Variants in HPSE2 observed in about 807,000 individuals in gnomAD.
The protein encoded by HPSE2 is inactive heparanase-2.
Under a neutral mutation model 60.5 loss-of-function variants are expected in HPSE2, and 38 were observed. That is an observed-to-expected ratio of 0.63 (90% CI 0.48 to 0.82). The LOEUF is 0.82. Among genes scored for constraint, HPSE2 ranks in the 40% least tolerant of loss-of-function variants. The probability of loss-of-function intolerance (pLI) is 0.00; values close to 1 mark genes in which losing one functional copy is unlikely to be tolerated. For synonymous variants in HPSE2, 295 were observed against 293.2 expected, an observed-to-expected ratio of 1.01 and a Z score of -0.06; for missense variants, 713 against 740.4, an observed-to-expected ratio of 0.96 and a Z score of 0.43.
intron 3 of HPSE2, among the ~76,000 whole-genome samples, chr10:98,869,783 G>C (rs2134823730): frequency 1.3e-5 from 2 of 152,162 alleles, no homozygotes; most frequent in South Asian, 4.2e-4. Context: ...TGTGATCATG[G>C]GCAAGTAATT....
At chr10:98,647,630 G>A (rs1274157661) in intron 6 of HPSE2, among the ~76,000 whole-genome samples, 4 of 152,198 alleles carry the variant, frequency 2.6e-5, no homozygotes, top group Non-Finnish European at 5.9e-5. Context: ...CCGCCTCGAA[G>A]CAAACACTGG....
At chr10:99,003,880 C>T (rs1956832263) in intron 3 of HPSE2, among the ~76,000 whole-genome samples, 1 of 151,962 alleles carries the variant, frequency 6.6e-6, no homozygotes, top group African/African-American at 2.4e-5. Context: ...TGAGGTCATG[C>T]AATTTATCCC....
At chr10:98,730,584 C>T (rs1949202249) in intron 4 of HPSE2, among the ~76,000 whole-genome samples, 1 of 150,616 alleles carries the variant, frequency 6.6e-6, no homozygotes. Flanking sequence ...GACTGACCAC[C>T]GAAAAAAGAG....
chr10:99,224,115 T>A (rs1229266420), intron 2 of HPSE2, among the ~76,000 whole-genome samples: 3 of 152,100 alleles, frequency 2.0e-5, no homozygotes, highest in African/African-American at 7.2e-5. Flanking sequence ...TATCTAGCAC[T>A]AAGTCTGGCT....
At chr10:99,054,254 T>C (rs1254904509) in intron 3 of HPSE2, among the ~76,000 whole-genome samples, 1 of 152,142 alleles carries the variant, frequency 6.6e-6, no homozygotes, top group African/African-American at 2.4e-5. Flanking sequence ...ATAGCAGATA[T>C]TACAGAGTTG....
chr10:98,735,961 G>A (rs1466092830), intron 4 of HPSE2, among the ~76,000 whole-genome samples: 1 of 152,250 alleles, frequency 6.6e-6, no homozygotes, highest in African/African-American at 2.4e-5. Flanking sequence ...CTGTTGGGAA[G>A]GCATGATTGG....
chr10:99,234,020 A>T (rs1012151511), intron 1 of HPSE2, among the ~76,000 whole-genome samples: 4 of 152,234 alleles, frequency 2.6e-5, no homozygotes, highest in African/African-American at 9.6e-5. Context: ...GGTGGGGGAA[A>T]GGGGGTCTGC....
At chr10:99,236,352 C>T (rs1057414715), upstream of HPSE2, among the ~76,000 whole-genome samples, 1 of 151,976 alleles carries the variant, frequency 6.6e-6, no homozygotes, top group Non-Finnish European at 1.5e-5. Flanking sequence ...GTTCAAGCTC[C>T]GACTCCGACC....
chr10:98,604,125 G>T (rs1326810213), intron 9 of HPSE2, among the ~76,000 whole-genome samples: 1 of 151,980 alleles, frequency 6.6e-6, no homozygotes, highest in East Asian at 1.9e-4. Flanking sequence ...ACACTTAAAG[G>T]GAAAAAACAC....
At chr10:98,970,954 T>C (rs758357180) in intron 3 of HPSE2, among the ~76,000 whole-genome samples, 3 of 152,210 alleles carry the variant, frequency 2.0e-5, no homozygotes, top group Non-Finnish European at 4.4e-5. Flanking sequence ...TATTTAATCA[T>C]GTAAGCAATT....
rs1284345032 is a variant in HPSE2 at position 98,697,501 on chromosome 10, G to C, written c.957-3554C>G. Among the ~76,000 whole-genome samples, 3 of 152,146 alleles carry C rather than the reference G, an allele frequency of 2.0e-5. No individual in the cohort carries two copies. In the East Asian group the frequency reaches 5.8e-4, roughly 29 times the overall value. ...TGAACAAACCCTCTGGGAAATATGG[G>C]ACTATGTAAAAAGACCAAACATATG... On this transcript the variant is annotated intron_variant, in intron 5 of 11. Coordinates refer to ENST00000370552, the MANE Select transcript of HPSE2 (RefSeq NM_021828.5).
At chr10:99,184,131 A>T (rs1847881678) in intron 2 of HPSE2, among the ~76,000 whole-genome samples, 1 of 152,256 alleles carries the variant, frequency 6.6e-6, no homozygotes, top group African/African-American at 2.4e-5. Flanking sequence ...ATTACCAGGC[A>T]TATGAAGAAG....
At chr10:98,652,039 G>C (rs934090642) in intron 6 of HPSE2, among the ~76,000 whole-genome samples, 1 of 152,070 alleles carries the variant, frequency 6.6e-6, no homozygotes, top group African/African-American at 2.4e-5. Context: ...CCAAAGTGCT[G>C]GGATTACATG....
At chr10:99,139,680 T>C (rs1279008073) in intron 3 of HPSE2, among the ~76,000 whole-genome samples, 1 of 152,180 alleles carries the variant, frequency 6.6e-6, no homozygotes, top group Non-Finnish European at 1.5e-5. Context: ...AATTTTTATA[T>C]GGAAAAATTT....
chr10:98,650,229 C>G (rs1306835971), intron 6 of HPSE2, among the ~76,000 whole-genome samples: 2 of 152,158 alleles, frequency 1.3e-5, no homozygotes, highest in African/African-American at 4.8e-5. Context: ...TGAGGAAAAG[C>G]CACAAAATGG....
chr10:99,067,016 C>T (rs1183455984), intron 3 of HPSE2, among the ~76,000 whole-genome samples: 1 of 152,154 alleles, frequency 6.6e-6, no homozygotes, highest in African/African-American at 2.4e-5. Context: ...ATGGGAGAAA[C>T]TGGCCAAAAC....
At chr10:99,101,022 C>A (rs1174288866) in intron 3 of HPSE2, among the ~76,000 whole-genome samples, 5 of 152,280 alleles carry the variant, frequency 3.3e-5, no homozygotes, top group Admixed American at 1.3e-4. Flanking sequence ...CGGTACCAGC[C>A]ACTGCAAAAA....
At chr10:99,244,274 C>T in the HPSE2 span, among the ~76,000 whole-genome samples, 1 of 152,032 alleles carries the variant, frequency 6.6e-6, no homozygotes, top group Non-Finnish European at 1.5e-5. Context: ...ACCTCAGCCT[C>T]CCAAAGTACT....
intron 3 of HPSE2, among the ~76,000 whole-genome samples, chr10:98,867,905 CA>C (rs1173571463): frequency 6.6e-6 from 1 of 151,454 alleles, no homozygotes; most frequent in Non-Finnish European, 1.5e-5. Flanking sequence ...ACTAAAAATA[CA>C]AAAAAATTAG....
Sources: gnomAD v4.1 joint callset for allele counts (sites outside exome capture counted in the v4.1 genomes callset) on GRCh38, gnomAD v4.1.1 for gene constraint, MANE v1.5 for transcripts, NCBI Gene and HGNC (gene_info 2026-07-23, HGNC 2026-07-21) for gene names.